THOC6: variants seen among roughly 807,000 people sequenced by gnomAD.
THOC6 encodes THO complex 6.
A neutral mutation model predicts 55.8 loss-of-function variants in THOC6; 39 were observed. That is an observed-to-expected ratio of 0.70 (90% CI 0.54 to 0.91). The LOEUF (loss-of-function observed/expected upper bound fraction) is 0.91. Ranked by LOEUF, THOC6 falls within the 40% of genes least tolerant of loss-of-function variation. The probability of loss-of-function intolerance (pLI) is 0.00; values close to 1 mark genes in which losing one functional copy is unlikely to be tolerated. For missense variants in THOC6, 482 were observed against 442.0 expected (o/e 1.09, Z -0.81); for synonymous variants, 192 against 175.6 (o/e 1.09, Z -0.74).
rs769340086 is a variant in THOC6 at position 3,025,805 on chromosome 16, G to C, written c.137G>C (p.Gly46Ala). Reference protein sequence around the residue: ...GKFLAAGNNYGQIAIFSLSSA... With the variant: ...GKFLAAGNNYAQIAIFSLSSA... Reference sequence around the variant, plus strand: ...TTTCTGGCGGCTGGCAACAATTACGGGCAGATTGCCATCTTCAGGTACCCT... The same window carrying C: ...TTTCTGGCGGCTGGCAACAATTACGCGCAGATTGCCATCTTCAGGTACCCT... The change falls in exon 2 of 13, where the codon GGG becomes GCG. Residue 46 changes from glycine (G) to alanine (A), a missense_variant. By Grantham distance (60) the Gly-to-Ala change is moderately conservative. Transcript: ENST00000326266. The C allele has an allele frequency of 6.2e-7, 1 of 1,614,168 alleles. No homozygotes were observed. Among genetic ancestry groups the C allele is most frequent in the East Asian group, 2.2e-5 (1 of 44,890 alleles).
Position 3,024,221 on chromosome 16 carries a change from T to G in THOC6, c.-106T>G. ...TCGGGACGGTACGCACCAGCCACCT[T>G]CGCGCCGAAGGCGGTAGGGCGCCAC... On this transcript the variant is annotated 5_prime_UTR_variant, in exon 1 of 13. Transcript: ENST00000326266. 9.6e-6 allele frequency: 14 copies of G among 1,456,762 alleles called. No homozygotes were observed. In the South Asian group the frequency reaches 1.6e-4, roughly 17 times the overall value. The allele number at this position is 1,456,762 out of a possible 1,614,324, so 90.2% of individuals were successfully genotyped here.
Position 3,027,430 on chromosome 16 carries a change from A to G in THOC6, c.875A>G (p.Gln292Arg). 1 of 1,612,034 alleles carries G rather than the reference A, an allele frequency of 6.2e-7. No homozygotes were observed. Among genetic ancestry groups the G allele is most frequent in the African/African-American group, 1.3e-5 (1 of 75,064 alleles). Residue 292 changes from glutamine to arginine, a missense_variant, in exon 12 of 13, where the codon CAG becomes CGG. By Grantham distance (43) the Gln-to-Arg change is conservative (BLOSUM62 1). Transcript: ENST00000326266. ...CAGCTGAGCGGGGAGCTGAAGGCCC[A>G]GGTGCCTGGCTCCTCCCCAGGGCTG... is the stretch of plus-strand genomic sequence containing the variant. ...QWQLSGELKA[Q>R]VPGSSPGLLS...
At position 3,024,162 on chromosome 16, in the gene THOC6, G is replaced by A; in HGVS notation, c.-165G>A. On this transcript the variant is annotated 5_prime_UTR_variant, in exon 1 of 13. Transcript: ENST00000326266. ...GGTGGACACCACTTCTTAATGTCGG[G>A]GGTCTTCGCGGCGCTCACCTCGGCT... 1 of 806,382 alleles carries A rather than the reference G, an allele frequency of 1.2e-6. No individual in the cohort carries two copies. The highest frequency in any genetic ancestry group is 2.0e-6 in the Non-Finnish European group (1 of 501,054). 50.0% of individuals were successfully genotyped at this position (806,382 alleles called of 1,614,324 possible).
chr16:3,026,748 T>C lies in THOC6; in HGVS notation c.553T>C (p.Ser185Pro), dbSNP rs1335063379. 1 of 1,613,846 alleles carries C rather than the reference T, an allele frequency of 6.2e-7. No individual in the cohort carries two copies. ...GCGGGAAAGGAGCCCAGAGGTGCTG[T>C]CAGGTGGCGAGGATGGAGCTGTTCG... ...ALRERSPEVL[S>P]GGEDGAVRLW... Residue 185 changes from serine (S) to proline (P), a missense_variant, in exon 8 of 13, where the codon TCA becomes CCA. Transcript: ENST00000326266.
In THOC6 at chr16:3,026,368, C is replaced by T. The variant is rs34472080; in HGVS notation, c.366C>T (p.Thr122=). The change falls in exon 6 of 13, where the codon ACC becomes ACT. Residue 122 remains threonine, a synonymous_variant. Transcript: ENST00000326266. The stretch of plus-strand genomic sequence containing the variant: ...GACCTTGCCTTTCCTTCCCCAGGAC[C>T]AGCCTGGAAGTGCCTGAGATCAACG... The part of the protein sequence containing the change: ...ELWRRQPPYR[T]SLEVPEINAL... 1.8e-4 allele frequency: 293 copies of T among 1,614,066 alleles called. 1 individual carries two copies. The highest frequency in any genetic ancestry group is 5.3e-4 in the Admixed American group (32 of 60,008).
Position 3,027,605 on chromosome 16 carries a change from G to A in THOC6, c.974G>A (p.Arg325Gln), listed in dbSNP as rs1458829101. 2.5e-6 allele frequency: 4 copies of A among 1,614,140 alleles called. No individual in the cohort carries two copies. Among genetic ancestry groups the A allele is most frequent in the South Asian group, 2.2e-5 (2 of 91,082 alleles). The change falls in exon 13 of 13, where the codon CGG becomes CAG. Residue 325 changes from arginine to glutamine, a missense_variant. Transcript: ENST00000326266. ...KVLTAAGNSC[R>Q]VDVFTNLGYR... ...CTGACAGCTGCAGGCAACAGCTGCCGGGTGGATGTCTTCACCAACCTGGGT... is the reference window on the plus strand; with the variant it reads ...CTGACAGCTGCAGGCAACAGCTGCCAGGTGGATGTCTTCACCAACCTGGGT...
Position 3,024,144 on chromosome 16 carries a change from A to C in THOC6, c.-183A>C. ...CCGGCTTAAGGGGGCTGCGGTGGAC[A>C]CCACTTCTTAATGTCGGGGGTCTTC... On this transcript the variant is annotated 5_prime_UTR_variant, in exon 1 of 13. Coordinates refer to ENST00000326266, the MANE Select transcript of THOC6 (RefSeq NM_024339.5). 1 of 741,530 alleles carries C rather than the reference A, an allele frequency of 1.3e-6. No individual in the cohort carries two copies. 45.9% of individuals were successfully genotyped at this position (741,530 alleles called of 1,614,324 possible).
In THOC6 at chr16:3,026,281, C is replaced by G; in HGVS notation, c.355C>G (p.Pro119Ala). Reference sequence around the variant, plus strand: ...TAAGGAGCTGTGGCGTCGTCAGCCTCCATACAGGTGAGCAGGGCCACGTGG... The same window carrying G: ...TAAGGAGCTGTGGCGTCGTCAGCCTGCATACAGGTGAGCAGGGCCACGTGG... The part of the protein sequence containing the change: ...GCKELWRRQP[P>A]YRTSLEVPEI... Residue 119 changes from proline (P) to alanine (A), a missense_variant, in exon 5 of 13, where the codon CCA becomes GCA. Coordinates refer to ENST00000326266, the MANE Select transcript of THOC6 (RefSeq NM_024339.5). 1 of 1,614,126 alleles carries G rather than the reference C, an allele frequency of 6.2e-7. No homozygotes were observed. The highest frequency in any genetic ancestry group is 8.5e-7 in the Non-Finnish European group (1 of 1,180,030).
At position 3,026,936 on chromosome 16, in the gene THOC6, C is replaced by A; in HGVS notation, c.636+20C>A. ...CACGAGGTGAGGGTGTGACCGTGGC[C>A]ATTGTCCTCTTCTCCCCCAACTCCT... On this transcript the variant is annotated intron_variant, in intron 9 of 12. Transcript: ENST00000326266. The A allele has an allele frequency of 6.2e-7, 1 of 1,614,172 alleles. No individual in the cohort carries two copies. Among genetic ancestry groups the A allele is most frequent in the South Asian group, 1.1e-5 (1 of 91,078 alleles).
At chr16:3,027,144 C>T (rs1468765500) in intron 10 of THOC6, 26 bp from the exon 11 acceptor site, 1 of 1,614,150 alleles carries the variant, frequency 6.2e-7, no homozygotes. Context: ...TGGTTCACAG[C>T]TGGGGACTCC....
In THOC6 at chr16:3,027,645, C is replaced by G; in HGVS notation, c.1014C>G (p.Ser338=). 6.2e-7 allele frequency: 1 copy of G among 1,614,154 alleles called. No homozygotes were observed. The highest frequency in any genetic ancestry group is 8.5e-7 in the Non-Finnish European group (1 of 1,180,000). Residue 338 remains serine, a synonymous_variant, in exon 13 of 13, where the codon TCC becomes TCG. Transcript: ENST00000326266. ...VFTNLGYRAF[S]LSF ...CCAACCTGGGTTACCGAGCCTTCTCCCTGTCCTTCTGATCTCTGACGACAC... is the reference window on the plus strand; with the variant it reads ...CCAACCTGGGTTACCGAGCCTTCTCGCTGTCCTTCTGATCTCTGACGACAC...
chr16:3,024,177 T>A lies in THOC6; in HGVS notation c.-150T>A, dbSNP rs1431034556. On this transcript the variant is annotated 5_prime_UTR_variant, in exon 1 of 13. Coordinates refer to ENST00000326266, the MANE Select transcript of THOC6 (RefSeq NM_024339.5). ...TTAATGTCGGGGGTCTTCGCGGCGC[T>A]CACCTCGGCTCCTAGGGTTCGGGAC... is the stretch of plus-strand genomic sequence containing the variant. The A allele has an allele frequency of 2.1e-6, 2 of 941,308 alleles. No individual in the cohort carries two copies. The highest frequency in any genetic ancestry group is 2.3e-5 in the Admixed American group (1 of 44,276). 58.3% of individuals were successfully genotyped at this position (941,308 alleles called of 1,614,324 possible). A position where few individuals can be genotyped will look rare whatever the true frequency, so the allele number is the denominator to read the frequency against.
Position 3,026,924 on chromosome 16 carries a change from T to A in THOC6, c.636+8T>A, listed in dbSNP as rs752267358. ...GAGGTCTATAAGCACGAGGTGAGGGTGTGACCGTGGCCATTGTCCTCTTCT... is the reference window on the plus strand; with the variant it reads ...GAGGTCTATAAGCACGAGGTGAGGGAGTGACCGTGGCCATTGTCCTCTTCT... On this transcript the variant is annotated splice_region_variant and intron_variant, in intron 9 of 12. Coordinates refer to ENST00000326266, the MANE Select transcript of THOC6 (RefSeq NM_024339.5). The A allele has an allele frequency of 1.2e-6, 2 of 1,614,112 alleles. No homozygotes were observed. Among genetic ancestry groups the A allele is most frequent in the South Asian group, 2.2e-5 (2 of 91,082 alleles).
At chr16:3,024,675 C>T (rs923619527) in intron 1 of THOC6, among the ~76,000 whole-genome samples, 1 of 139,754 alleles carries the variant, frequency 7.2e-6, no homozygotes, top group African/African-American at 2.7e-5. Context: ...CACTCTGTCA[C>T]CTAGGCTAGA....
In THOC6 at chr16:3,027,717, T is replaced by C; in HGVS notation, c.*60T>C. On this transcript the variant is annotated 3_prime_UTR_variant, in exon 13 of 13. Transcript: ENST00000326266. ...AGAGTGTTTTTCATTTTCTTTTTTT[T>C]TTTTTTTTTACAATAAAGTTTCAGG... The C allele has an allele frequency of 1.3e-6, 2 of 1,541,092 alleles. No individual in the cohort carries two copies. Among genetic ancestry groups the C allele is most frequent in the Non-Finnish European group, 1.7e-6 (2 of 1,146,488 alleles).
At chr16:3,026,827 T>A in intron 8 of THOC6, 40 bp from the exon 9 acceptor site, 1 of 1,614,134 alleles carries the variant, frequency 6.2e-7, no homozygotes, top group Non-Finnish European at 8.5e-7. Flanking sequence ...TGAAGGAGGC[T>A]GAGGCAAGTG....
rs377541558 is a variant in THOC6, at chr16:3,024,377, G to T, written c.39+12G>T. The T allele has an allele frequency of 2.4e-5, 38 of 1,614,024 alleles. No individual in the cohort carries two copies. Among genetic ancestry groups the T allele is most frequent in the Non-Finnish European group, 4.2e-6 (5 of 1,180,002 alleles). ...TGCCTCTGGGTCAGGTGAGACGGAC[G>T]TGGTGCGCGTTGCCTTCTGGGGTTT... is the stretch of plus-strand genomic sequence containing the variant. On this transcript the variant is annotated intron_variant, in intron 1 of 12. Transcript: ENST00000326266.
rs143382065 is a variant in THOC6, at chr16:3,027,486, G to A, written c.931G>A (p.Ala311Thr). Residue 311 changes from alanine (A) to threonine (T), a missense_variant, in exon 12 of 13, where the codon GCG becomes ACG. Coordinates refer to ENST00000326266, the MANE Select transcript of THOC6 (RefSeq NM_024339.5). ...LSLSLNQQPA[A>T]PECKVLTAAG... ...CCTCAGCCTCAACCAGCAGCCTGCCGCGCCTGAGTGCAAGGTGGGTCCGGC... is the reference window on the plus strand; with the variant it reads ...CCTCAGCCTCAACCAGCAGCCTGCCACGCCTGAGTGCAAGGTGGGTCCGGC... 30 of 1,610,104 alleles carry A rather than the reference G, an allele frequency of 1.9e-5. No homozygotes were observed. The East Asian group carries it at 2.7e-4, about 14-fold the overall frequency.
At position 3,027,389 on chromosome 16, in the gene THOC6, C is replaced by G. The variant is rs765455569; in HGVS notation, c.834C>G (p.Arg278=). The change falls in exon 12 of 13, where the codon CGC becomes CGG. Residue 278 remains arginine (R), a synonymous_variant. Coordinates refer to ENST00000326266, the MANE Select transcript of THOC6 (RefSeq NM_024339.5). ...QDLILSAGQG[R]CVNQWQLSGE... ...AGATTCTGTCAGCTGGCCAGGGCCGCTGCGTCAACCAGTGGCAGCTGAGCG... is the reference window on the plus strand; with the variant it reads ...AGATTCTGTCAGCTGGCCAGGGCCGGTGCGTCAACCAGTGGCAGCTGAGCG... The G allele has an allele frequency of 1.2e-6, 2 of 1,612,762 alleles. No individual in the cohort carries two copies. Among genetic ancestry groups the G allele is most frequent in the Non-Finnish European group, 1.7e-6 (2 of 1,179,448 alleles).
Sources: gnomAD v4.1 joint callset for allele counts (sites outside exome capture counted in the v4.1 genomes callset) on GRCh38, gnomAD v4.1.1 for gene constraint, MANE v1.5 for transcripts, NCBI Gene and HGNC (gene_info 2026-07-23, HGNC 2026-07-21) for gene names.